Variants in KCNT1 observed in about 807,000 individuals in gnomAD.
KCNT1 encodes the protein potassium sodium-activated channel subfamily T member 1, also known as potassium channel subfamily T member 1.
In KCNT1, 78 loss-of-function variants were observed where a neutral mutation model predicts 147.8. The ratio of observed to expected loss-of-function variants is 0.53; its 90% CI spans 0.44 to 0.64. KCNT1 has a LOEUF of 0.64. KCNT1 is among the 30% of genes least tolerant of loss of function. KCNT1 has a pLI of 0.00. For synonymous variants in KCNT1, 867 were observed against 748.8 expected (o/e 1.16, Z -2.58); for missense variants, 1,419 against 1,750.3 (o/e 0.81, Z 3.38).
chr9:135,788,104 C>T lies in KCNT1; in HGVS notation c.3502+1583C>T, dbSNP rs763395282. ...CTCTTTCTGTGTGTTCTGTAGAGGA[C>T]GTAGCAAATTTAACAGCCAGTGATG... On this transcript the variant is annotated intron_variant, in intron 29 of 30. Coordinates refer to ENST00000371757, the MANE Select transcript of KCNT1 (RefSeq NM_020822.3). 23 of 1,607,832 alleles carry T rather than the reference C, an allele frequency of 1.4e-5. 1 individual carries two copies. Among genetic ancestry groups the T allele is most frequent in the Admixed American group, 1.3e-4 (8 of 59,992 alleles).
In KCNT1 at chr9:135,769,969, G is replaced by A. The variant is rs151080601; in HGVS notation, c.1533G>A (p.Glu511=). ...KFADHVVCEE[E]CKYAMLALNC... is the part of the protein sequence containing the mutation. Reference sequence around the variant, plus strand: ...CAGACCACGTGGTGTGTGAGGAGGAGTGCAAGTACGCCATGCTGGCGCTGA... The same window carrying A: ...CAGACCACGTGGTGTGTGAGGAGGAATGCAAGTACGCCATGCTGGCGCTGA... Residue 511 remains glutamate, a synonymous_variant, in exon 16 of 31, where the codon GAG becomes GAA. Transcript: ENST00000371757. 5.7e-4 allele frequency: 882 copies of A among 1,554,232 alleles called. 7 individuals are homozygous for A. In the African/African-American group the frequency reaches 0.01, roughly 18 times the overall value.
chr9:135,731,991 T>TATATATAGAGAGAG (rs1276318460), intron 2 of KCNT1, among the ~76,000 whole-genome samples: 24 of 21,686 alleles, frequency 1.1e-3, no homozygotes, highest in South Asian at 2.2e-3. Flanking sequence ...TATATATATA[T>TATATATAGAGAGAG]AGAGAGAGAG....
intron 24 of KCNT1, among the ~76,000 whole-genome samples, chr9:135,782,906 C>T (rs1257793681): frequency 4.6e-5 from 7 of 152,224 alleles, no homozygotes; most frequent in African/African-American, 1.4e-4. Flanking sequence ...CTGTTTCTCA[C>T]GCCCCAGCCT....
intron 3 of KCNT1, 99 bp downstream of exon 3, chr9:135,750,276 G>GA: frequency 1.0e-6 from 1 of 968,644 alleles, no homozygotes; most frequent in South Asian, 1.3e-5. Context: ...TGAGCTCAGG[G>GA]AGAGTCCATG....
chr9:135,768,298 G>A (rs1236942680), intron 13 of KCNT1, among the ~76,000 whole-genome samples: 1 of 102,750 alleles, frequency 9.7e-6, no homozygotes. Flanking sequence ...ATGCCTGCTG[G>A]TGGAGGGCAC....
intron 17 of KCNT1, 52 bp from the exon 18 acceptor site, chr9:135,770,805 G>T: frequency 6.8e-7 from 1 of 1,467,346 alleles, no homozygotes; most frequent in Non-Finnish European, 9.3e-7. Flanking sequence ...GGCAGGGAGC[G>T]GGACAGGGCG....
At chr9:135,778,666 G>C (rs750801099) in intron 22 of KCNT1, 22 bp from the exon 23 acceptor site, 1 of 1,612,954 alleles carries the variant, frequency 6.2e-7, no homozygotes, top group Admixed American at 1.7e-5. Context: ...CCTCAGCCAC[G>C]GGCCCTCGGT....
At position 135,777,709 on chromosome 9, in the gene KCNT1, C is replaced by T. The variant is rs569909467; in HGVS notation, c.2522+199C>T. Among the ~76,000 whole-genome samples the T allele has an allele frequency of 4.0e-5, 6 of 150,964 alleles. No homozygotes were observed. The East Asian group carries it at 7.9e-4, about 20-fold the overall frequency. On this transcript the variant is annotated intron_variant, in intron 21 of 30. Coordinates refer to ENST00000371757, the MANE Select transcript of KCNT1 (RefSeq NM_020822.3). ...TCCTCCTGCTCCCAGCTCCTCCCCA[C>T]ACCCACTCCTGCTCCCAGCTCCTCC...
chr9:135,776,509 C>T (rs193028601), intron 20 of KCNT1, among the ~76,000 whole-genome samples: 182 of 152,284 alleles, frequency 1.2e-3, no homozygotes, highest in African/African-American at 4.3e-3. Context: ...TCAAGTGATC[C>T]TCCCACCTCG....
chr9:135,718,458 G>A (rs1835803893), intron 2 of KCNT1, among the ~76,000 whole-genome samples: 1 of 152,222 alleles, frequency 6.6e-6, no homozygotes, highest in African/African-American at 2.4e-5. Flanking sequence ...GTGGACGGAA[G>A]GGCTGGTGTG....
At chr9:135,712,445 C>T in intron 1 of KCNT1, among the ~76,000 whole-genome samples, 1 of 152,096 alleles carries the variant, frequency 6.6e-6, no homozygotes, top group East Asian at 1.9e-4. Context: ...AGAGGGGGTG[C>T]AGAATTCGAG....
rs374429090 is a variant in KCNT1, at chr9:135,786,514, C to T, written c.3495C>T (p.Thr1165=). The change falls in exon 29 of 31, where the codon ACC becomes ACT. Residue 1165 remains threonine (T), a synonymous_variant. Coordinates refer to ENST00000371757, the MANE Select transcript of KCNT1 (RefSeq NM_020822.3). ...NRMKHLGLPT[T]GYDEMNDHQN... ...TGAAGCACCTGGGGCTGCCCACCACCGGCTACGGTAAGGGCACACGGCGCG... is the reference window on the plus strand; with the variant it reads ...TGAAGCACCTGGGGCTGCCCACCACTGGCTACGGTAAGGGCACACGGCGCG... The T allele has an allele frequency of 5.2e-5, 83 of 1,592,260 alleles. No individual in the cohort carries two copies. The African/African-American group carries it at 6.1e-4, about 12-fold the overall frequency.
chr9:135,784,515 CTCCCT>C lies in KCNT1; in HGVS notation c.2944-19_2944-15del, dbSNP rs1564390722. 1 of 596,646 alleles carries C rather than the reference CTCCCT, an allele frequency of 1.7e-6. No individual in the cohort carries two copies. The allele number at this position is 596,646 out of a possible 1,614,324, so 37.0% of individuals were successfully genotyped here. On this transcript the variant is annotated splice_polypyrimidine_tract_variant and intron_variant, in intron 25 of 30. Coordinates refer to ENST00000371757, the MANE Select transcript of KCNT1 (RefSeq NM_020822.3). ...CCTCCCTCCCTCCCTCCCTCCCTCCCTCCCTCCCTCCCTGGCCAGTCCTTCGTGAA... is the reference window on the plus strand; with the variant it reads ...CCTCCCTCCCTCCCTCCCTCCCTCCCCCCTCCCTGGCCAGTCCTTCGTGAA...
Position 135,702,384 on chromosome 9 carries a change from C to T in KCNT1, c.110+16C>T, listed in dbSNP as rs377372592. On this transcript the variant is annotated intron_variant, in intron 1 of 30. Coordinates refer to ENST00000371757, the MANE Select transcript of KCNT1 (RefSeq NM_020822.3). ...GCGCCCCCAGGTACAGTCTGCTGCG[C>T]CCTCCCCACGCGGGGAGGCCCCGGT... is the stretch of plus-strand genomic sequence containing the variant. 3 of 1,593,234 alleles carry T rather than the reference C, an allele frequency of 1.9e-6. No individual in the cohort carries two copies. Among genetic ancestry groups the T allele is most frequent in the Non-Finnish European group, 1.7e-6 (2 of 1,166,474 alleles).
chr9:135,788,095 T>C (rs1258958553), intron 29 of KCNT1: 2 of 1,604,630 alleles, frequency 1.2e-6, no homozygotes, highest in Non-Finnish European at 8.5e-7. Context: ...CTGTGTGTTC[T>C]GTAGAGGACG....
chr9:135,771,788 C>A (rs894810073), intron 18 of KCNT1, among the ~76,000 whole-genome samples: 2 of 152,192 alleles, frequency 1.3e-5, no homozygotes, highest in Non-Finnish European at 2.9e-5. Context: ...GCCAGGCCTT[C>A]CTGGGGGACA....
rs766339368 is a variant in KCNT1, at chr9:135,792,072, G to A, written c.3619G>A (p.Val1207Met). The A allele has an allele frequency of 1.6e-5, 25 of 1,604,170 alleles. No homozygotes were observed. The highest frequency in any genetic ancestry group is 4.5e-5 in the East Asian group (2 of 44,830). ...CATCCGCTCCGACCCCCTGGCTCAC[G>A]TGGCCAGCAGCTCCCAGAGCCGGAA... ...YLIRSDPLAHVASSSQSRKSS... is the reference protein window; with the variant it reads ...YLIRSDPLAHMASSSQSRKSS... The change falls in exon 31 of 31, where the codon GTG becomes ATG. Residue 1207 changes from valine (V) to methionine (M), a missense_variant. Val to Met is a conservative substitution (Grantham distance 21). This residue lies in a region of KCNT1 where 306 missense variants were observed against 294.2 expected (regional missense o/e 1.04). Coordinates refer to ENST00000371757, the MANE Select transcript of KCNT1 (RefSeq NM_020822.3).
chr9:135,791,992 G>T, intron 30 of KCNT1, 49 bp from the exon 31 acceptor site: 1 of 1,603,622 alleles, frequency 6.2e-7, no homozygotes, highest in Non-Finnish European at 8.5e-7. Flanking sequence ...GGCTGAGCAG[G>T]GGCTGCCCGG....
intron 28 of KCNT1, 194 bp downstream of exon 28, chr9:135,785,524 C>CACTGGTGGT (rs1564392808): frequency 1.4e-6 from 1 of 721,766 alleles, no homozygotes; most frequent in South Asian, 1.7e-5. Flanking sequence ...CTCCCTCCTG[C>CACTGGTGGT]ACTGGTGGTG....
Sources: allele counts gnomAD v4.1 joint callset (sites outside exome capture counted in the v4.1 genomes callset), GRCh38; gene constraint gnomAD v4.1.1; regional missense constraint gnomAD v4.1.1; transcripts MANE v1.5; gene names NCBI Gene and HGNC (gene_info 2026-07-23, HGNC 2026-07-21).